Variants in LOXHD1 observed in about 807,000 individuals in gnomAD.
LOXHD1 encodes lipoxygenase homology PLAT domains 1, also known as lipoxygenase homology domain-containing protein 1.
Under a neutral mutation model 248.2 loss-of-function variants are expected in LOXHD1, and 205 were observed. That is an observed-to-expected ratio of 0.83 (90% CI 0.74 to 0.93). The LOEUF is 0.93. LOXHD1 is among the 40% of genes least tolerant of loss of function. LOXHD1 has a pLI of 0.00. For missense variants in LOXHD1, 2,930 were observed against 2,971.6 expected, an observed-to-expected ratio of 0.99 and a Z score of 0.33; for synonymous variants, 1,113 against 1,162.8, an observed-to-expected ratio of 0.96 and a Z score of 0.87.
intron 4 of LOXHD1, among the ~76,000 whole-genome samples, chr18:46,619,303 TCTGCCCAC>T (rs906756137): frequency 1.3e-5 from 2 of 152,228 alleles, no homozygotes; most frequent in African/African-American, 4.8e-5. Flanking sequence ...TCCCAGCCCC[TCTGCCCAC>T]CTGTTCCCTA....
Position 46,572,083 on chromosome 18 carries a change from C to T in LOXHD1, c.2047+3G>A. ...CCAGCACCTGGTCATCAGGACAACT[C>T]ACTCTTCAGTGTCGCGCTGCTGTCA... On this transcript the variant is annotated splice_donor_region_variant and intron_variant, in intron 15 of 40. Transcript: ENST00000642948. The T allele has an allele frequency of 5.8e-6, 9 of 1,551,706 alleles. No individual in the cohort carries two copies. Among genetic ancestry groups the T allele is most frequent in the Non-Finnish European group, 7.0e-6 (8 of 1,146,910 alleles).
intron 3 of LOXHD1, 42 bp downstream of exon 3, chr18:46,641,914 T>G: frequency 1.3e-6 from 2 of 1,528,284 alleles, no homozygotes; most frequent in Non-Finnish European, 1.8e-6. Context: ...ATCCCTCACT[T>G]TCATCTCCAC....
chr18:46,498,397 C>T (rs2034011750), intron 37 of LOXHD1, among the ~76,000 whole-genome samples: 1 of 152,202 alleles, frequency 6.6e-6, no homozygotes, highest in Admixed American at 6.5e-5. Flanking sequence ...TTCTTCCCTA[C>T]TATATTATTT....
intron 1 of LOXHD1, among the ~76,000 whole-genome samples, chr18:46,654,520 T>C (rs539224773): frequency 6.6e-6 from 1 of 152,334 alleles, no homozygotes; most frequent in South Asian, 2.1e-4. Context: ...ATGTGCCACG[T>C]TCAGCCTGCC....
At chr18:46,580,805 T>C (rs1360033368) in intron 12 of LOXHD1, among the ~76,000 whole-genome samples, 2 of 151,898 alleles carry the variant, frequency 1.3e-5, no homozygotes, top group African/African-American at 4.8e-5. Flanking sequence ...TGCAAAGAGG[T>C]AATGTGTGAG....
intron 5 of LOXHD1, among the ~76,000 whole-genome samples, chr18:46,611,186 C>T (rs2038503029): frequency 6.6e-6 from 1 of 152,128 alleles, no homozygotes; most frequent in Admixed American, 6.5e-5. Flanking sequence ...CCGATTTGTA[C>T]CCCCATCTCT....
rs111361852 is a variant in LOXHD1 at position 46,485,282 on chromosome 18, G to A, written c.6050-131C>T. 1.3e-4 allele frequency: 127 copies of A among 1,004,448 alleles called. 1 individual carries two copies. The African/African-American group carries it at 1.7e-3, about 13-fold the overall frequency. 62.2% of individuals were successfully genotyped at this position (1,004,448 alleles called of 1,614,324 possible). On this transcript the variant is annotated intron_variant, in intron 38 of 40. Coordinates refer to ENST00000642948, the MANE Select transcript of LOXHD1 (RefSeq NM_001384474.1). ...TGCAGCCTGGGGGTGGGGGAGGCAG[G>A]TTAAAAGCACCACGATTGAGGCGTT...
chr18:46,543,188 T>C (rs1443489478), intron 23 of LOXHD1, among the ~76,000 whole-genome samples: 1 of 152,032 alleles, frequency 6.6e-6, no homozygotes, highest in African/African-American at 2.4e-5. Context: ...CCACAATGAG[T>C]CCCCACAGTC....
chr18:46,552,838 C>T (rs1428680941), intron 21 of LOXHD1, among the ~76,000 whole-genome samples: 2 of 152,184 alleles, frequency 1.3e-5, no homozygotes, highest in Non-Finnish European at 2.9e-5. Context: ...TGTTTCCCAC[C>T]CCTTCATGTC....
intron 35 of LOXHD1, among the ~76,000 whole-genome samples, chr18:46,509,345 T>C (rs1261983785): frequency 6.6e-6 from 1 of 152,096 alleles, no homozygotes; most frequent in East Asian, 1.9e-4. Context: ...GTTCCCACCA[T>C]GGCAGCCTCT....
At chr18:46,495,443 C>T (rs1357283298) in intron 37 of LOXHD1, among the ~76,000 whole-genome samples, 1 of 127,866 alleles carries the variant, frequency 7.8e-6, no homozygotes, top group Non-Finnish European at 1.8e-5. Context: ...TAGAAAATCA[C>T]CATTTGTAAC....
intron 21 of LOXHD1, among the ~76,000 whole-genome samples, chr18:46,550,724 T>C (rs1236197908): frequency 6.6e-6 from 1 of 152,064 alleles, no homozygotes; most frequent in Non-Finnish European, 1.5e-5. Flanking sequence ...AGTCCCCTGA[T>C]ACCCTACATC....
chr18:46,634,317 G>C (rs2038864870), intron 4 of LOXHD1, among the ~76,000 whole-genome samples: 1 of 152,206 alleles, frequency 6.6e-6, no homozygotes, highest in South Asian at 2.1e-4. Flanking sequence ...AGTGAAATGA[G>C]CTAGATGCAA....
At chr18:46,547,122 A>T in intron 21 of LOXHD1, 64 bp from the exon 22 acceptor site, 1 of 1,536,128 alleles carries the variant, frequency 6.5e-7, no homozygotes, top group Non-Finnish European at 8.8e-7. Context: ...AGGAGCAGTC[A>T]TGGGCTGAGA....
rs372601059 is a variant in LOXHD1 at position 46,509,553 on chromosome 18, G to A, written c.5517+145C>T. On this transcript the variant is annotated intron_variant, in intron 35 of 40. Coordinates refer to ENST00000642948, the MANE Select transcript of LOXHD1 (RefSeq NM_001384474.1). The stretch of plus-strand genomic sequence containing the variant: ...TTCTCTGATTAATTCATGCCAAAGG[G>A]CATACTGGATCATATGGGCTGGGTT... The A allele has an allele frequency of 7.0e-6, 5 of 718,002 alleles. No individual in the cohort carries two copies. In the East Asian group the frequency reaches 8.1e-5, roughly 12 times the overall value. 44.5% of individuals were successfully genotyped at this position (718,002 alleles called of 1,614,324 possible). A position where few individuals can be genotyped will look rare whatever the true frequency, so the allele number is the denominator to read the frequency against.
At chr18:46,611,260 A>G (rs2144312856) in intron 5 of LOXHD1, among the ~76,000 whole-genome samples, 1 of 152,340 alleles carries the variant, frequency 6.6e-6, no homozygotes, top group African/African-American at 2.4e-5. Context: ...TAGCCACAGC[A>G]GTTGGTAAAG....
chr18:46,570,674 G>A (rs1003712913), intron 15 of LOXHD1, among the ~76,000 whole-genome samples: 4 of 152,072 alleles, frequency 2.6e-5, no homozygotes, highest in African/African-American at 7.3e-5. Context: ...TGGTTTCCCT[G>A]GGCCACACTG....
intron 12 of LOXHD1, among the ~76,000 whole-genome samples, chr18:46,582,144 C>A (rs1241538458): frequency 1.3e-5 from 2 of 151,912 alleles, no homozygotes; most frequent in Admixed American, 6.6e-5. Flanking sequence ...AGAAAATATG[C>A]AAGTATTTTT....
intron 21 of LOXHD1, among the ~76,000 whole-genome samples, chr18:46,549,762 T>A (rs932342933): frequency 6.6e-6 from 1 of 152,326 alleles, no homozygotes; most frequent in East Asian, 1.9e-4. Flanking sequence ...CATGAAACAA[T>A]ATTCAAGAAT....
Sources: gnomAD v4.1 joint callset for allele counts (sites outside exome capture counted in the v4.1 genomes callset) on GRCh38, gnomAD v4.1.1 for gene constraint, MANE v1.5 for transcripts, NCBI Gene and HGNC (gene_info 2026-07-23, HGNC 2026-07-21) for gene names.